The following ADCY9 variants were observed in gnomAD, a reference collection of about 807,000 sequenced individuals.
ADCY9 encodes the protein adenylate cyclase type 9.
A neutral mutation model predicts 101.5 loss-of-function variants in ADCY9; 50 were observed. The ratio of observed to expected loss-of-function variants is 0.49; its 90% CI spans 0.39 to 0.62. The LOEUF (loss-of-function observed/expected upper bound fraction) is 0.62. ADCY9 is among the 20% of genes least tolerant of loss of function. The probability of loss-of-function intolerance (pLI) is 0.00; values close to 1 mark genes in which losing one functional copy is unlikely to be tolerated. For synonymous variants in ADCY9, 905 were observed against 769.3 expected (o/e 1.18, Z -2.92); for missense variants, 1,662 against 1,800.4 (o/e 0.92, Z 1.39).
chr16:4,006,783 C>T (rs541386383), intron 3 of ADCY9, among the ~76,000 whole-genome samples: 64 of 152,298 alleles, frequency 4.2e-4, no homozygotes, highest in African/African-American at 1.5e-3. Flanking sequence ...CGCCAATTCC[C>T]TGGTAGTTTA....
At position 4,114,371 on chromosome 16, in the gene ADCY9, C is replaced by T. The variant is rs146513626; in HGVS notation, c.1072G>A (p.Val358Ile). 31 of 1,613,914 alleles carry T rather than the reference C, an allele frequency of 1.9e-5. No individual in the cohort carries two copies. The highest frequency in any genetic ancestry group is 2.3e-5 in the Non-Finnish European group (27 of 1,180,056). Residue 358 changes from valine to isoleucine, a missense_variant, in exon 2 of 11, where the codon GTC (valine) becomes ATC (isoleucine). Transcript: ENST00000294016. This position sits in a 1 kb window ranked among gnomAD's most constrained non-coding sequence, Gnocchi z 4.3. The part of the protein sequence containing the change: ...KQGDEESENS[V>I]KRHATSSPKN... The stretch of plus-strand genomic sequence containing the variant: ...GGGCTCGAGGTGGCATGCCTCTTGA[C>T]AGAATTCTCACTCTCCTCATCTCCC...
intron 2 of ADCY9, among the ~76,000 whole-genome samples, chr16:4,110,212 T>C (rs1412109292): frequency 1.3e-5 from 2 of 152,210 alleles, no homozygotes; most frequent in African/African-American, 4.8e-5. Context: ...TTCTTGGCTT[T>C]GCCCAGGAAA....
chr16:4,041,912 C>CA (rs1372929242), intron 2 of ADCY9, among the ~76,000 whole-genome samples: 3 of 140,816 alleles, frequency 2.1e-5, no homozygotes, highest in Non-Finnish European at 4.5e-5. Context: ...CCACTGCCCC[C>CA]AGCTAAGTTT....
intron 3 of ADCY9, 88 bp from the exon 4 acceptor site, chr16:3,993,598 G>A (rs960238942): frequency 4.1e-5 from 62 of 1,512,622 alleles, no homozygotes; most frequent in Middle Eastern, 2.3e-4. Flanking sequence ...GCCATCTGCC[G>A]TCACGCAGCA....
At chr16:3,969,612 A>ATATATATATG (rs1343824711) in intron 10 of ADCY9, among the ~76,000 whole-genome samples, 2 of 70,894 alleles carry the variant, frequency 2.8e-5, no homozygotes, top group African/African-American at 6.3e-5. Flanking sequence ...ATATATATGT[A>ATATATATATG]TTTTTTTTTT....
intron 2 of ADCY9, among the ~76,000 whole-genome samples, chr16:4,111,568 G>A (rs1202265401): frequency 1.3e-5 from 2 of 152,140 alleles, no homozygotes; most frequent in Non-Finnish European, 2.9e-5. Context: ...GTTTCCAAAA[G>A]GGCCAGGAAG....
intron 2 of ADCY9, chr16:4,054,144 C>G (rs1199412496): frequency 6.6e-6 from 1 of 152,210 alleles, no homozygotes; most frequent in Non-Finnish European, 1.5e-5. Flanking sequence ...TTCACTGATG[C>G]AACCACAGAG....
At chr16:3,996,873 T>C (rs1175947604) in intron 3 of ADCY9, among the ~76,000 whole-genome samples, 4 of 152,074 alleles carry the variant, frequency 2.6e-5, no homozygotes, top group Non-Finnish European at 5.9e-5. Flanking sequence ...TTTTGTTTGT[T>C]TGTTTTTTTG....
chr16:3,974,773 C>G, intron 9 of ADCY9, 63 bp from the exon 10 acceptor site: 1 of 1,338,372 alleles, frequency 7.5e-7, no homozygotes. Flanking sequence ...ACAAGGCAAC[C>G]TGAGAAGAGC....
At position 3,977,543 on chromosome 16, in the gene ADCY9, G is replaced by A. The variant is rs751717694; in HGVS notation, c.2767C>T (p.Leu923Phe). 7 of 1,605,452 alleles carry A rather than the reference G, an allele frequency of 4.4e-6. No individual in the cohort carries two copies. Among genetic ancestry groups the A allele is most frequent in the African/African-American group, 2.7e-5 (2 of 74,838 alleles). Reference protein sequence around the residue: ...CQLSSWMRSSLATVVGAGPLL... With the variant: ...CQLSSWMRSSFATVVGAGPLL... Reference sequence around the variant, plus strand: ...GGCCCGGCCCCCACGACGGTGGCGAGGGAGGACCTCATCCAGGAGCTGAGC... The same window carrying A: ...GGCCCGGCCCCCACGACGGTGGCGAAGGAGGACCTCATCCAGGAGCTGAGC... The change falls in exon 9 of 11, where the codon CTC (leucine) becomes TTC (phenylalanine). Residue 923 changes from leucine to phenylalanine, a missense_variant. Physicochemically the swap from Leu to Phe is conservative, Grantham distance 22. Transcript: ENST00000294016.
intron 2 of ADCY9, among the ~76,000 whole-genome samples, chr16:4,014,179 C>T (rs577663026): frequency 2.6e-5 from 4 of 151,970 alleles, no homozygotes; most frequent in East Asian, 2.0e-4. Context: ...ATTAACTGGG[C>T]GTGGTGGCAC....
At chr16:3,977,399 T>C (rs2056101008) in intron 9 of ADCY9, 83 bp downstream of exon 9, 4 of 1,483,222 alleles carry the variant, frequency 2.7e-6, no homozygotes, top group African/African-American at 1.4e-5. Flanking sequence ...TGAGAAGCAA[T>C]GTGCAAATGC....
Position 4,113,718 on chromosome 16 carries a change from G to A in ADCY9, c.1693+32C>T, listed in dbSNP as rs201928244. The A allele has an allele frequency of 4.4e-6, 7 of 1,588,116 alleles. No homozygotes were observed. The East Asian group carries it at 9.0e-5, about 20-fold the overall frequency. On this transcript the variant is annotated intron_variant, in intron 2 of 10. Transcript: ENST00000294016. ...AATTTAATACAATCAGGATCAGGGA[G>A]GGGGGATGCCGAGGTAAAGCAGTGC...
chr16:3,988,738 G>A (rs977134271), intron 6 of ADCY9, among the ~76,000 whole-genome samples: 23 of 152,288 alleles, frequency 1.5e-4, no homozygotes, highest in African/African-American at 4.6e-4. Flanking sequence ...GGATAGCCTG[G>A]AGATGCCACG....
chr16:4,074,872 C>T (rs1220054052), intron 2 of ADCY9, among the ~76,000 whole-genome samples: 1 of 152,032 alleles, frequency 6.6e-6, no homozygotes, highest in Non-Finnish European at 1.5e-5. Context: ...AAAGTTGTTA[C>T]ACTTTTAAGT....
At chr16:3,997,848 C>A (rs577943492) in intron 3 of ADCY9, among the ~76,000 whole-genome samples, 2 of 152,226 alleles carry the variant, frequency 1.3e-5, no homozygotes, top group South Asian at 2.1e-4. Context: ...AATCCCAGCC[C>A]TTTGGGAGGC....
At chr16:4,029,421 G>C (rs1177623763) in intron 2 of ADCY9, among the ~76,000 whole-genome samples, 1 of 152,162 alleles carries the variant, frequency 6.6e-6, no homozygotes, top group Non-Finnish European at 1.5e-5. Flanking sequence ...AACTGACAAA[G>C]GGCTGGTAGC....
rs2057141226 is a variant in ADCY9 at position 4,115,134 on chromosome 16, G to A, written c.309C>T (p.Ala103=). The A allele has an allele frequency of 6.2e-7, 1 of 1,613,842 alleles. No individual in the cohort carries two copies. Among genetic ancestry groups the A allele is most frequent in the East Asian group, 2.2e-5 (1 of 44,866 alleles). ...PKFDSVNLEE[A]CLERCFPQTQ... ...TCTGCGGGAAGCAGCGCTCCAGGCA[G>A]GCCTCCTCCAGGTTCACCGAGTCGA... The change falls in exon 2 of 11, where the codon GCC becomes GCT. Residue 103 remains alanine, a synonymous_variant. Coordinates refer to ENST00000294016, the MANE Select transcript of ADCY9 (RefSeq NM_001116.4). This position sits in a 1 kb window ranked among gnomAD's most constrained non-coding sequence, Gnocchi z 6.2.
intron 6 of ADCY9, among the ~76,000 whole-genome samples, chr16:3,985,606 C>T (rs1357558064): frequency 6.6e-6 from 1 of 152,178 alleles, no homozygotes; most frequent in African/African-American, 2.4e-5. Context: ...ACATGTGAGG[C>T]CGGAAGGTTT....
Sources: gnomAD v4.1 joint callset for allele counts (sites outside exome capture counted in the v4.1 genomes callset) on GRCh38, gnomAD v4.1.1 for gene constraint, Gnocchi (gnomAD v3.1) non-coding constraint, MANE v1.5 for transcripts, NCBI Gene and HGNC (gene_info 2026-07-23, HGNC 2026-07-21) for gene names.